TCF20: variants seen among roughly 807,000 people sequenced by gnomAD.
TCF20 encodes the protein SPRE-binding protein.
TCF20 carries 3 observed loss-of-function variants against 148.6 expected under a neutral mutation model. That is an observed-to-expected ratio of 0.02 (90% CI 0.01 to 0.05). TCF20 has a LOEUF of 0.05. Ranked by LOEUF, TCF20 falls within the 10% of genes least tolerant of loss-of-function variation. The pLI, the probability that TCF20 is intolerant of heterozygous loss-of-function variation, is 1.00. For synonymous variants in TCF20, 1,049 were observed against 909.5 expected, an observed-to-expected ratio of 1.15 and a Z score of -2.76; for missense variants, 2,350 against 2,429.3, an observed-to-expected ratio of 0.97 and a Z score of 0.69.
At chr22:42,239,306 G>A (rs945896138) in intron 1 of TCF20, among the ~76,000 whole-genome samples, 29 of 149,110 alleles carry the variant, frequency 1.9e-4, no homozygotes, top group African/African-American at 5.9e-4. Flanking sequence ...GAGAAACCCC[G>A]TCTCTACTAA....
chr22:42,297,905 G>C lies in TCF20; in HGVS notation c.-37+45574C>G, dbSNP rs1927264340. 6.6e-6 allele frequency among the ~76,000 whole-genome samples: 1 copy of C among 152,172 alleles called. No homozygotes were observed. The highest frequency in any genetic ancestry group is 2.1e-4 in the South Asian group (1 of 4,830). On this transcript the variant is annotated intron_variant, in intron 1 of 1. Coordinates refer to the TCF20 transcript ENST00000515426. The surrounding 1 kb of genome is among the most constrained non-coding windows in gnomAD (Gnocchi z 4.3). ...CCTCTCTGGCACCCATGCAGAGCAG[G>C]CAAGGATGAACATGTGCTGGTTTCA...
chr22:42,304,862 G>A (rs1448275579), intron 1 of TCF20, among the ~76,000 whole-genome samples: 2 of 152,078 alleles, frequency 1.3e-5, no homozygotes, highest in African/African-American at 2.4e-5. Context: ...AGCTAAGGTC[G>A]GGCGCTGGGG....
chr22:42,312,464 T>C (rs1051129953), intron 1 of TCF20, among the ~76,000 whole-genome samples: 1 of 151,906 alleles, frequency 6.6e-6, no homozygotes, highest in Non-Finnish European at 1.5e-5. Context: ...CAGAGGAATA[T>C]ACAAAAGGAG....
At chr22:42,273,032 A>G (rs1322101619), upstream of TCF20, among the ~76,000 whole-genome samples, 2 of 152,048 alleles carry the variant, frequency 1.3e-5, no homozygotes, top group African/African-American at 2.4e-5. Flanking sequence ...TTTTTTTTTA[A>G]TTACCTCACT....
chr22:42,295,516 T>G (rs1442181330), intron 1 of TCF20, among the ~76,000 whole-genome samples: 1 of 150,986 alleles, frequency 6.6e-6, no homozygotes, highest in Non-Finnish European at 1.5e-5. Flanking sequence ...CAATCTCGGC[T>G]CACTGCAACC....
intron 1 of TCF20, among the ~76,000 whole-genome samples, chr22:42,329,921 GCCA>G (rs1328830255): frequency 6.6e-6 from 1 of 152,182 alleles, no homozygotes; most frequent in Non-Finnish European, 1.5e-5. Flanking sequence ...CTCACCAGGG[GCCA>G]CCAAGTTCAA....
intron 2 of TCF20, among the ~76,000 whole-genome samples, chr22:42,198,210 C>T (rs1031238600): frequency 6.6e-6 from 1 of 152,066 alleles, no homozygotes; most frequent in Non-Finnish European, 1.5e-5. Context: ...AAAAGCAACA[C>T]AGACTTGTAT....
At chr22:42,322,112 T>C (rs1927743553) in intron 1 of TCF20, among the ~76,000 whole-genome samples, 1 of 151,872 alleles carries the variant, frequency 6.6e-6, no homozygotes, top group African/African-American at 2.4e-5. Flanking sequence ...CTGTTATTAA[T>C]ATTGCTATTG....
rs371117943 is a variant in TCF20 at position 42,169,889 on chromosome 22, C to A, written c.5757G>T (p.Leu1919Phe). 7 of 1,613,320 alleles carry A rather than the reference C, an allele frequency of 4.3e-6. No individual in the cohort carries two copies. In the African/African-American group the frequency reaches 9.4e-5, roughly 22 times the overall value. The change falls in exon 4 of 6, where the codon TTG (leucine) becomes TTT (phenylalanine). Residue 1919 changes from leucine (L) to phenylalanine (F), a missense_variant. By Grantham distance (22) the Leu-to-Phe change is conservative. This residue lies in a region of TCF20 where 67 missense variants were observed against 60.8 expected (regional missense o/e 1.10). Transcript: ENST00000677622. ...HYPCAIDADC[L>F]LHEENFSVRC... Reference sequence around the variant, plus strand: ...TCACCGAGAAGTTCTCCTCATGTAGCAAACAATCTGGAAGACAGAAGGGGA... The same window carrying A: ...TCACCGAGAAGTTCTCCTCATGTAGAAAACAATCTGGAAGACAGAAGGGGA...
chr22:42,284,857 A>G (rs1430838852), upstream of TCF20, among the ~76,000 whole-genome samples: 2 of 152,236 alleles, frequency 1.3e-5, no homozygotes, highest in Non-Finnish European at 1.5e-5. Flanking sequence ...CTGAGAGGTA[A>G]GCACCAACGC....
chr22:42,168,574 G>A (rs899795562), intron 5 of TCF20, 35 bp downstream of exon 5: 26 of 1,540,632 alleles, frequency 1.7e-5, no homozygotes, highest in Non-Finnish European at 2.1e-5. Context: ...CTGGGAGCCG[G>A]GCAGGATGCA....
chr22:42,292,945 G>T lies in TCF20; in HGVS notation c.-37+50534C>A, dbSNP rs1927159601. Among the ~76,000 whole-genome samples the T allele has an allele frequency of 6.6e-6, 1 of 151,120 alleles. No homozygotes were observed. Among genetic ancestry groups the T allele is most frequent in the Admixed American group, 6.6e-5 (1 of 15,142 alleles). On this transcript the variant is annotated intron_variant, in intron 1 of 1. Coordinates refer to the TCF20 transcript ENST00000515426. The surrounding 1 kb of genome is among the most constrained non-coding windows in gnomAD (Gnocchi z 4.9). ...CCACTCTGTCCTGCCCACCAGGAGTGGCGGGGTTTGAATTTCAGGAGCTGG... is the reference window on the plus strand; with the variant it reads ...CCACTCTGTCCTGCCCACCAGGAGTTGCGGGGTTTGAATTTCAGGAGCTGG...
chr22:42,237,889 G>C (rs1924023741), intron 1 of TCF20, among the ~76,000 whole-genome samples: 1 of 152,168 alleles, frequency 6.6e-6, no homozygotes, highest in African/African-American at 2.4e-5. Flanking sequence ...TGTCATCTAG[G>C]TTTTGTTGAT....
chr22:42,342,376 C>A (rs970170869), intron 1 of TCF20, among the ~76,000 whole-genome samples: 7 of 152,112 alleles, frequency 4.6e-5, no homozygotes, highest in African/African-American at 1.7e-4. Flanking sequence ...AGTGATGCCA[C>A]AGTCCTGGGG....
chr22:42,181,748 A>G (rs1210060311), intron 2 of TCF20, among the ~76,000 whole-genome samples: 1 of 151,800 alleles, frequency 6.6e-6, no homozygotes, highest in African/African-American at 2.4e-5. Flanking sequence ...AGCTGAGACT[A>G]CAGGGTGTGT....
At chr22:42,182,082 ACACTGT>A (rs1395537630) in intron 2 of TCF20, among the ~76,000 whole-genome samples, 2 of 152,216 alleles carry the variant, frequency 1.3e-5, no homozygotes, top group East Asian at 3.9e-4. Flanking sequence ...GCCTACCATG[ACACTGT>A]CAAGCACTAA....
Position 42,232,252 on chromosome 22 carries a change from C to T in TCF20, c.-36-16911G>A, listed in dbSNP as rs116458306. Among the ~76,000 whole-genome samples the T allele has an allele frequency of 6.6e-3, 1,004 of 152,258 alleles. 12 individuals carry two copies. Among genetic ancestry groups the T allele is most frequent in the African/African-American group, 0.023 (947 of 41,546 alleles). ...AGGTTTGTATCCTAGGAGCAATAGG[C>T]TATACCACATAGCCTAGATGGGCAG... On this transcript the variant is annotated intron_variant, in intron 1 of 5. Transcript: ENST00000677622.
intron 2 of TCF20, among the ~76,000 whole-genome samples, chr22:42,191,274 T>C (rs1412231825): frequency 6.6e-6 from 1 of 152,190 alleles, no homozygotes; most frequent in Non-Finnish European, 1.5e-5. Flanking sequence ...TGCCTTTTTT[T>C]CTGAAACACA....
chr22:42,263,723 T>C (rs1382704438), intron 1 of TCF20, among the ~76,000 whole-genome samples: 2 of 152,184 alleles, frequency 1.3e-5, no homozygotes, highest in Non-Finnish European at 2.9e-5. Context: ...GTCTCTGCTT[T>C]CAAGCTTGAT....
Sources: allele counts gnomAD v4.1 joint callset (sites outside exome capture counted in the v4.1 genomes callset), GRCh38; gene constraint gnomAD v4.1.1; regional missense constraint gnomAD v4.1.1; non-coding constraint Gnocchi (gnomAD v3.1); transcripts MANE v1.5; gene names NCBI Gene and HGNC (gene_info 2026-07-23, HGNC 2026-07-21).